Variants in SHMT2 observed in about 807,000 individuals in gnomAD.
SHMT2 encodes serine hydroxymethyltransferase 2, also known as serine hydroxymethyltransferase, mitochondrial.
A neutral mutation model predicts 59.6 loss-of-function variants in SHMT2; 38 were observed. That is an observed-to-expected ratio of 0.64 (90% CI 0.49 to 0.84). The LOEUF is 0.84. SHMT2 is among the 40% of genes least tolerant of loss of function. The pLI, the probability that SHMT2 is intolerant of heterozygous loss-of-function variation, is 0.00. For synonymous variants in SHMT2, 254 were observed against 258.1 expected (o/e 0.98, Z 0.15); for missense variants, 533 against 659.5 (o/e 0.81, Z 2.10).
intron 1 of SHMT2, chr12:57,230,459 T>C: frequency 1.7e-6 from 2 of 1,200,452 alleles, no homozygotes; most frequent in Non-Finnish European, 2.1e-6. Context: ...ACCCTCTTGT[T>C]CCTGTGGGTG....
chr12:57,231,712 G>C lies in SHMT2; in HGVS notation c.312-1G>C. On this transcript the variant is annotated splice_acceptor_variant, in intron 3 of 11. Coordinates refer to ENST00000328923, the MANE Select transcript of SHMT2 (RefSeq NM_005412.6). LOFTEE classifies it high-confidence loss of function. ...CCCTCATTACCCCTCTCCCACGGCA[G>C]ATACTATGGGGGAGCAGAGGTGGTG... is the stretch of plus-strand genomic sequence containing the variant. 1 of 1,614,086 alleles carries C rather than the reference G, an allele frequency of 6.2e-7. No individual in the cohort carries two copies. Among genetic ancestry groups the C allele is most frequent in the South Asian group, 1.1e-5 (1 of 91,084 alleles).
At chr12:57,231,371 C>T in intron 2 of SHMT2, 110 bp from the exon 3 acceptor site, 3 of 1,170,984 alleles carry the variant, frequency 2.6e-6, no homozygotes, top group East Asian at 2.6e-5. Context: ...GTGAATGGAG[C>T]TTTCTGCAGG....
In SHMT2 at chr12:57,234,523, A is replaced by G; in HGVS notation, c.*162A>G. ...TCCCTTCCCAGAATTTGTAACTGAG[A>G]AGATCTTTTCTTTTTCCTTTTTTTG... On this transcript the variant is annotated 3_prime_UTR_variant, in exon 12 of 12. Transcript: ENST00000328923. The G allele has an allele frequency of 1.4e-6, 1 of 703,410 alleles. No homozygotes were observed. Among genetic ancestry groups the G allele is most frequent in the Non-Finnish European group, 2.1e-6 (1 of 471,088 alleles). 43.6% of individuals were successfully genotyped at this position (703,410 alleles called of 1,614,324 possible). A position where few individuals can be genotyped will look rare whatever the true frequency, so the allele number is the denominator to read the frequency against.
At chr12:57,233,009 C>A in intron 7 of SHMT2, 166 bp downstream of exon 7, 1 of 1,256,316 alleles carries the variant, frequency 8.0e-7, no homozygotes, top group Non-Finnish European at 1.1e-6. Context: ...CATGCCCTGG[C>A]AGGGGATTTG....
intron 6 of SHMT2, 39 bp downstream of exon 6, chr12:57,232,614 GGGT>G: frequency 6.2e-7 from 1 of 1,613,308 alleles, no homozygotes; most frequent in Non-Finnish European, 8.5e-7. Context: ...CCTCCCCAGG[GGGT>G]GGTGAGGAGG....
chr12:57,229,863 C>G (rs568767791), intron 1 of SHMT2, 52 bp downstream of exon 1: 2 of 1,610,252 alleles, frequency 1.2e-6, no homozygotes, highest in East Asian at 2.2e-5. Context: ...AAGCTCTTCT[C>G]CTACCTTAGT....
At chr12:57,231,301 C>T in intron 2 of SHMT2, 180 bp from the exon 3 acceptor site, 1 of 678,080 alleles carries the variant, frequency 1.5e-6, no homozygotes. Flanking sequence ...GGGGCCACTG[C>T]TCATGGCAGA....
At position 57,233,556 on chromosome 12, in the gene SHMT2, T is replaced by C; in HGVS notation, c.1024-7T>C. The C allele has an allele frequency of 2.5e-6, 4 of 1,611,286 alleles. No homozygotes were observed. Among genetic ancestry groups the C allele is most frequent in the Non-Finnish European group, 3.4e-6 (4 of 1,178,312 alleles). On this transcript the variant is annotated splice_region_variant and splice_polypyrimidine_tract_variant and intron_variant, in intron 8 of 11. Coordinates refer to ENST00000328923, the MANE Select transcript of SHMT2 (RefSeq NM_005412.6). ...TAGGGTGACAGCTGCTACTGTCTCA[T>C]CTCCAGGCCTGCACCCCCATGTTCC...
rs560038393 is a variant in SHMT2, at chr12:57,234,889, G to A, written c.*528G>A. ...TCAGAGCCGACACCAGACGTGATTAGCAGGCGCAGCAAATTCAATTTGTTA... is the reference window on the plus strand; with the variant it reads ...TCAGAGCCGACACCAGACGTGATTAACAGGCGCAGCAAATTCAATTTGTTA... On this transcript the variant is annotated 3_prime_UTR_variant, in exon 12 of 12. Coordinates refer to ENST00000328923, the MANE Select transcript of SHMT2 (RefSeq NM_005412.6). 2 of 156,238 alleles carry A rather than the reference G, an allele frequency of 1.3e-5. No individual in the cohort carries two copies. Among genetic ancestry groups the A allele is most frequent in the African/African-American group, 4.8e-5 (2 of 41,604 alleles). 9.7% of individuals were successfully genotyped at this position (156,238 alleles called of 1,614,324 possible).
At chr12:57,233,069 C>T in intron 7 of SHMT2, 111 bp from the exon 8 acceptor site, 1 of 1,340,658 alleles carries the variant, frequency 7.5e-7, no homozygotes, top group Non-Finnish European at 1.0e-6. Context: ...TCCAGTGTAC[C>T]AAGCCCACGT....
At chr12:57,231,677 T>C (rs769162322) in intron 3 of SHMT2, 36 bp from the exon 4 acceptor site, 2 of 1,613,216 alleles carry the variant, frequency 1.2e-6, no homozygotes, top group East Asian at 4.5e-5. Context: ...TTGAGAGTCC[T>C]TTCTCTGTGC....
chr12:57,230,564 G>T, intron 1 of SHMT2: 1 of 1,394,940 alleles, frequency 7.2e-7, no homozygotes, highest in Non-Finnish European at 9.3e-7. Flanking sequence ...GAGTGAGGTG[G>T]TGGGAGATTT....
rs2037415254 is a variant in SHMT2, at chr12:57,233,508, A to G, written c.1024-55A>G. On this transcript the variant is annotated intron_variant, in intron 8 of 11. Coordinates refer to ENST00000328923, the MANE Select transcript of SHMT2 (RefSeq NM_005412.6). ...TGCTGAGGGTGCAGGGCCAGAGGGT[A>G]GTGCAGGGCTTGGGTCCAGGCCTAG... The G allele has an allele frequency of 5.1e-6, 8 of 1,555,076 alleles. 1 individual carries two copies. In the South Asian group the frequency reaches 9.4e-5, roughly 18 times the overall value.
At position 57,231,883 on chromosome 12, in the gene SHMT2, T is replaced by C. The variant is rs1331817568; in HGVS notation, c.482T>C (p.Ile161Thr). 1 of 1,612,768 alleles carries C rather than the reference T, an allele frequency of 6.2e-7. No homozygotes were observed. The change falls in exon 4 of 12, where the codon ATC becomes ACC. Residue 161 changes from isoleucine (I) to threonine (T), a missense_variant. Physicochemically the swap from Ile to Thr is moderately conservative, Grantham distance 89. Transcript: ENST00000328923. ...YTALLQPHDR[I>T]MGLDLPDGGH... ...GCCCTTCTGCAACCTCACGACCGGA[T>C]CATGGGGCTGGACCTGCCCGATGGG...
intron 1 of SHMT2, 167 bp from the exon 2 acceptor site, chr12:57,230,636 T>C (rs775231742): frequency 1.4e-6 from 2 of 1,448,848 alleles, no homozygotes; most frequent in Non-Finnish European, 1.8e-6. Context: ...GATCTCAAGC[T>C]TGGCTCCAGA....
chr12:57,234,163 T>TC (rs768674480), intron 11 of SHMT2, 53 bp downstream of exon 11: 1 of 1,613,512 alleles, frequency 6.2e-7, no homozygotes, highest in Non-Finnish European at 8.5e-7. Context: ...CACTGTCTGC[T>TC]CCCTCCCCCA....
chr12:57,234,433 A>G lies in SHMT2; in HGVS notation c.*72A>G, dbSNP rs868141399. The stretch of plus-strand genomic sequence containing the variant: ...CCCCTACCTGGGCCAGTGAAATAGA[A>G]AGCCTTTCTATTTTTTGGTGCGGGA... On this transcript the variant is annotated 3_prime_UTR_variant, in exon 12 of 12. Coordinates refer to ENST00000328923, the MANE Select transcript of SHMT2 (RefSeq NM_005412.6). 2.7e-6 allele frequency: 4 copies of G among 1,485,114 alleles called. No individual in the cohort carries two copies. The highest frequency in any genetic ancestry group is 2.0e-4 in the Middle Eastern group (1 of 5,058). The allele number at this position is 1,485,114 out of a possible 1,614,324, so 92.0% of individuals were successfully genotyped here.
Position 57,232,546 on chromosome 12 carries a change from C to A in SHMT2, c.688C>A (p.Arg230Ser). ...CATAGCTGGCACCAGCGCCTATGCT[C>A]GCCTCATTGACTACGCCCGCATGAG... ...LIIAGTSAYA[R>S]LIDYARMREV... is the part of the protein sequence containing the mutation. Residue 230 changes from arginine (R) to serine (S), a missense_variant, in exon 6 of 12, where the codon CGC becomes AGC. By Grantham distance (110) the Arg-to-Ser change is moderately radical (BLOSUM62 -1). Transcript: ENST00000328923. The A allele has an allele frequency of 6.2e-7, 1 of 1,614,190 alleles. No homozygotes were observed. The highest frequency in any genetic ancestry group is 8.5e-7 in the Non-Finnish European group (1 of 1,180,016).
At position 57,233,752 on chromosome 12, in the gene SHMT2, G is replaced by A. The variant is rs1460545274; in HGVS notation, c.1127G>A (p.Gly376Asp). ...CCCCATTTCTTACCCACCTTAGGTG[G>A]TACTGACAACCACCTGGTGCTGGTG... ...LERGYSLVSG[G>D]TDNHLVLVDL... Residue 376 changes from glycine (G) to aspartate (D), a missense_variant, in exon 10 of 12, where the codon GGT becomes GAT. By Grantham distance (94) the Gly-to-Asp change is moderately conservative. Coordinates refer to ENST00000328923, the MANE Select transcript of SHMT2 (RefSeq NM_005412.6). 1.2e-6 allele frequency: 2 copies of A among 1,614,200 alleles called. No individual in the cohort carries two copies. Among genetic ancestry groups the A allele is most frequent in the Non-Finnish European group, 1.7e-6 (2 of 1,180,008 alleles).
Sources: allele counts gnomAD v4.1 joint callset, GRCh38; gene constraint gnomAD v4.1.1; transcripts MANE v1.5; gene names NCBI Gene and HGNC (gene_info 2026-07-23, HGNC 2026-07-21).